BBX: variants seen among roughly 807,000 people sequenced by gnomAD.
BBX encodes the protein BBX high mobility group box domain containing, also known as HMG box transcription factor BBX.
A neutral mutation model predicts 100.2 loss-of-function variants in BBX; 30 were observed. The ratio of observed to expected loss-of-function variants is 0.30; its 90% CI spans 0.22 to 0.41. The LOEUF (loss-of-function observed/expected upper bound fraction) is 0.41, where lower values mean the gene tolerates loss of function less well. Ranked by LOEUF, BBX falls within the 10% of genes least tolerant of loss-of-function variation. The pLI is 1.00. For missense variants in BBX, 1,023 were observed against 1,129.8 expected, an observed-to-expected ratio of 0.91 and a Z score of 1.35; for synonymous variants, 376 against 388.1, an observed-to-expected ratio of 0.97 and a Z score of 0.37.
intron 3 of BBX, among the ~76,000 whole-genome samples, chr3:107,674,286 G>C (rs2059172818): frequency 6.6e-6 from 1 of 152,154 alleles, no homozygotes. Flanking sequence ...CTTCGAGCCA[G>C]AAAGGTGTGT....
At chr3:107,721,666 T>A (rs779083436) in intron 5 of BBX, among the ~76,000 whole-genome samples, 1 of 152,070 alleles carries the variant, frequency 6.6e-6, no homozygotes, top group Admixed American at 6.6e-5. Flanking sequence ...TGATAATAAC[T>A]TTGTGAATAT....
Position 107,572,618 on chromosome 3 carries a change from A to G in BBX, c.-84+46220A>G, listed in dbSNP as rs113613583. ...AACATCAATATGGTATAATCATTTC[A>G]GTATTTAATATAAAAATGTATAAAC... is the stretch of plus-strand genomic sequence containing the variant. On this transcript the variant is annotated intron_variant, in intron 2 of 17. Transcript: ENST00000325805. 2.7e-3 allele frequency among the ~76,000 whole-genome samples: 411 copies of G among 152,302 alleles called. 3 individuals carry two copies. The highest frequency in any genetic ancestry group is 9.3e-3 in the African/African-American group (385 of 41,574).
rs2107785730 is a variant in BBX at position 107,772,618 on chromosome 3, A to G, written c.907-10A>G. On this transcript the variant is annotated splice_polypyrimidine_tract_variant and intron_variant, in intron 10 of 17. Coordinates refer to ENST00000325805, the MANE Select transcript of BBX (RefSeq NM_001142568.3). The stretch of plus-strand genomic sequence containing the variant: ...TTCGGGTGCTCTCCCATTTTGTTTT[A>G]ATTGTTTAGATGTGCCTGGCATCAG... 6.4e-7 allele frequency: 1 copy of G among 1,555,460 alleles called. No individual in the cohort carries two copies. The highest frequency in any genetic ancestry group is 8.6e-7 in the Non-Finnish European group (1 of 1,158,492).
rs16853701 is a variant in BBX, at chr3:107,630,806, A to G, written c.-83-15030A>G. ...CTTGCCCAGAGAGCAGGTTTAGACCAACTCCTAGAAATACTCAACAGTGTC... is the reference window on the plus strand; with the variant it reads ...CTTGCCCAGAGAGCAGGTTTAGACCGACTCCTAGAAATACTCAACAGTGTC... On this transcript the variant is annotated intron_variant, in intron 2 of 17. Transcript: ENST00000325805. Among the ~76,000 whole-genome samples the G allele has an allele frequency of 8.5e-3, 1,299 of 152,238 alleles. 25 individuals are homozygous for G. The highest frequency in any genetic ancestry group is 0.03 in the African/African-American group (1,238 of 41,538).
At chr3:107,580,008 C>G (rs2052154343) in intron 2 of BBX, among the ~76,000 whole-genome samples, 1 of 151,556 alleles carries the variant, frequency 6.6e-6, no homozygotes, top group African/African-American at 2.4e-5. Context: ...TTTTTTTTCC[C>G]TACGTAACTT....
intron 2 of BBX, among the ~76,000 whole-genome samples, chr3:107,644,640 G>A (rs563201185): frequency 1.4e-4 from 22 of 152,214 alleles, no homozygotes; most frequent in Non-Finnish European, 2.9e-4. Context: ...TAGTAAAAGC[G>A]TAGACGTTTG....
At chr3:107,616,462 A>T (rs1419817358) in intron 2 of BBX, among the ~76,000 whole-genome samples, 1 of 152,190 alleles carries the variant, frequency 6.6e-6, no homozygotes, top group South Asian at 2.1e-4. Context: ...GAAACTTCCA[A>T]ATGGTTTTCC....
At chr3:107,575,849 C>G (rs1228176776) in intron 2 of BBX, among the ~76,000 whole-genome samples, 1 of 152,118 alleles carries the variant, frequency 6.6e-6, no homozygotes, top group African/African-American at 2.4e-5. Flanking sequence ...GTGCTGTCTT[C>G]AGGTCTTTCT....
chr3:107,608,757 T>C (rs2054623275), intron 2 of BBX, among the ~76,000 whole-genome samples: 1 of 152,214 alleles, frequency 6.6e-6, no homozygotes, highest in Non-Finnish European at 1.5e-5. Context: ...GTTAAATAGT[T>C]TTCATTGTAG....
intron 13 of BBX, among the ~76,000 whole-genome samples, chr3:107,788,675 T>G (rs750759790): frequency 5.3e-5 from 8 of 151,568 alleles, no homozygotes; most frequent in Non-Finnish European, 7.4e-5. Flanking sequence ...CTCAGGAGGC[T>G]GAGGTGGGAG....
intron 2 of BBX, among the ~76,000 whole-genome samples, chr3:107,598,475 A>G (rs2053820070): frequency 6.6e-6 from 1 of 152,214 alleles, no homozygotes; most frequent in African/African-American, 2.4e-5. Context: ...AAATAGCTTA[A>G]TATAGGGAAC....
At chr3:107,744,199 A>G (rs571137174) in intron 7 of BBX, among the ~76,000 whole-genome samples, 1 of 152,204 alleles carries the variant, frequency 6.6e-6, no homozygotes, top group East Asian at 1.9e-4. Flanking sequence ...GGGATAATGC[A>G]TTAAATAAAG....
intron 2 of BBX, among the ~76,000 whole-genome samples, chr3:107,627,977 A>G (rs1006448382): frequency 6.6e-6 from 1 of 152,044 alleles, no homozygotes; most frequent in Non-Finnish European, 1.5e-5. Flanking sequence ...GAAAATGTCC[A>G]TCATTTTATA....
At chr3:107,769,803 AG>A (rs1471142185) in intron 10 of BBX, among the ~76,000 whole-genome samples, 2 of 152,184 alleles carry the variant, frequency 1.3e-5, no homozygotes, top group Non-Finnish European at 2.9e-5. Flanking sequence ...ACTGACTCTC[AG>A]GAATACTGTA....
intron 6 of BBX, 65 bp downstream of exon 6, chr3:107,729,025 A>G: frequency 1.3e-6 from 2 of 1,525,202 alleles, no homozygotes; most frequent in Non-Finnish European, 1.8e-6. Flanking sequence ...GCAGCATTTT[A>G]AACAATACTG....
intron 2 of BBX, among the ~76,000 whole-genome samples, chr3:107,610,788 G>GT (rs1265866315): frequency 1.4e-3 from 198 of 139,826 alleles, no homozygotes; most frequent in South Asian, 2.3e-3. Context: ...ATCATTGGGT[G>GT]TTTTTTTTTT....
chr3:107,623,989 A>G (rs2055976405), intron 2 of BBX, among the ~76,000 whole-genome samples: 1 of 152,220 alleles, frequency 6.6e-6, no homozygotes, highest in Non-Finnish European at 1.5e-5. Flanking sequence ...ATTCCAAAGC[A>G]CCTTATCTTT....
intron 3 of BBX, among the ~76,000 whole-genome samples, chr3:107,702,195 A>G (rs951124483): frequency 1.3e-5 from 2 of 152,268 alleles, no homozygotes; most frequent in Non-Finnish European, 2.9e-5. Flanking sequence ...TTACTGGACC[A>G]TTTGTGAAAC....
intron 10 of BBX, among the ~76,000 whole-genome samples, chr3:107,763,838 G>A (rs1221927567): frequency 1.3e-5 from 2 of 152,052 alleles, no homozygotes; most frequent in African/African-American, 4.8e-5. Context: ...ACAAAACACT[G>A]AGAAACCTCA....
Sources: gnomAD v4.1 joint callset for allele counts (sites outside exome capture counted in the v4.1 genomes callset) on GRCh38, gnomAD v4.1.1 for gene constraint, MANE v1.5 for transcripts, NCBI Gene and HGNC (gene_info 2026-07-23, HGNC 2026-07-21) for gene names.